Variants in KLHL41 observed in about 807,000 individuals in gnomAD.
KLHL41 encodes kelch like family member 41, also known as kelch-like protein 41.
Under a neutral mutation model 49.2 loss-of-function variants are expected in KLHL41, and 31 were observed. The observed-to-expected ratio is 0.63, with a 90% confidence interval of 0.47 to 0.85. The LOEUF (loss-of-function observed/expected upper bound fraction) is 0.85, where lower values mean the gene tolerates loss of function less well. Among genes scored for constraint, KLHL41 ranks in the 40% least tolerant of loss-of-function variants. The probability of loss-of-function intolerance (pLI) is 0.00; values close to 1 mark genes in which losing one functional copy is unlikely to be tolerated. For synonymous variants in KLHL41, 218 were observed against 258.5 expected (o/e 0.84, Z 1.50); for missense variants, 663 against 726.7 (o/e 0.91, Z 1.01).
rs762284386 is a variant in KLHL41, at chr2:169,520,979, G to A, written c.1681G>A (p.Ala561Thr). 6.2e-7 allele frequency: 1 copy of A among 1,613,922 alleles called. No individual in the cohort carries two copies. ...GATTCAACTGGAGTCTAAAGAATTT[G>A]CACCCACTGAAGTCAATGACATATG... is the stretch of plus-strand genomic sequence containing the variant. ...AMIQLESKEFAPTEVNDIWKY... is the reference protein window; with the variant it reads ...AMIQLESKEFTPTEVNDIWKY... Residue 561 changes from alanine (A) to threonine (T), a missense_variant, in exon 5 of 6, where the codon GCA becomes ACA. By Grantham distance (58) the Ala-to-Thr change is moderately conservative. This residue lies in a region of KLHL41 where 528 missense variants were observed against 581.0 expected (regional missense o/e 0.91). Coordinates refer to ENST00000284669, the MANE Select transcript of KLHL41 (RefSeq NM_006063.3).
chr2:169,510,387 G>T lies in KLHL41; in HGVS notation c.609G>T (p.Trp203Cys), dbSNP rs1039318664. 11 of 1,613,892 alleles carry T rather than the reference G, an allele frequency of 6.8e-6. No individual in the cohort carries two copies. Among genetic ancestry groups the T allele is most frequent in the Admixed American group, 1.7e-5 (1 of 59,986 alleles). ...CAGTATTTGAGGCAGTGATGAAATG[G>T]GTGCGAACAGACAAGGAAAACAGGG... ...EEAVFEAVMK[W>C]VRTDKENRVK... Residue 203 changes from tryptophan to cysteine, a missense_variant, in exon 1 of 6, where the codon TGG becomes TGT. Transcript: ENST00000284669. This position sits in a 1 kb window ranked among gnomAD's most constrained non-coding sequence, Gnocchi z 4.2.
At chr2:169,519,766 G>T (rs1238784372) in intron 4 of KLHL41, among the ~76,000 whole-genome samples, 1 of 147,240 alleles carries the variant, frequency 6.8e-6, no homozygotes, top group Non-Finnish European at 1.5e-5. Flanking sequence ...CTAATTTTTT[G>T]TATTTTTAGT....
chr2:169,518,896 T>G (rs896109419), intron 4 of KLHL41, among the ~76,000 whole-genome samples: 10 of 152,064 alleles, frequency 6.6e-5, no homozygotes, highest in Non-Finnish European at 1.3e-4. Flanking sequence ...TCCATACTGG[T>G]CTCTAACTCC....
chr2:169,520,800 C>T, intron 4 of KLHL41, 61 bp from the exon 5 acceptor site: 1 of 1,290,192 alleles, frequency 7.8e-7, no homozygotes, highest in Non-Finnish European at 1.1e-6. Flanking sequence ...TATAATTATT[C>T]AGTAAGTACA....
At chr2:169,511,453 G>A (rs765746654) in intron 1 of KLHL41, among the ~76,000 whole-genome samples, 13 of 152,156 alleles carry the variant, frequency 8.5e-5, no homozygotes, top group South Asian at 2.1e-4. Flanking sequence ...TTATAAAGAA[G>A]TAATAATTGG....
intron 1 of KLHL41, among the ~76,000 whole-genome samples, chr2:169,511,406 T>C (rs918020806): frequency 9.9e-5 from 15 of 152,168 alleles, no homozygotes; most frequent in African/African-American, 3.6e-4. Context: ...TTAATGTCTT[T>C]CCCCAAATAG....
In KLHL41 at chr2:169,525,841, A is replaced by T; in HGVS notation, c.*145A>T. ...GTCTAAGAGATGAGCAGTAGGTAAG[A>T]AAACCTCAGTCATTGACTCTTCAAT... is the stretch of plus-strand genomic sequence containing the variant. On this transcript the variant is annotated 3_prime_UTR_variant, in exon 6 of 6. Transcript: ENST00000284669. 1 of 504,084 alleles carries T rather than the reference A, an allele frequency of 2.0e-6. No individual in the cohort carries two copies. Among genetic ancestry groups the T allele is most frequent in the Non-Finnish European group, 3.5e-6 (1 of 283,690 alleles). 31.2% of individuals were successfully genotyped at this position (504,084 alleles called of 1,614,324 possible).
intron 4 of KLHL41, 69 bp from the exon 5 acceptor site, chr2:169,520,792 T>G (rs1684190775): frequency 4.7e-6 from 6 of 1,265,472 alleles, no homozygotes; most frequent in Non-Finnish European, 6.7e-6. Context: ...TTATTTCCTA[T>G]AATTATTCAG....
At chr2:169,514,006 G>A (rs938001373) in intron 1 of KLHL41, among the ~76,000 whole-genome samples, 2 of 152,070 alleles carry the variant, frequency 1.3e-5, no homozygotes, top group Admixed American at 6.5e-5. Context: ...TCACTTTAAC[G>A]CCTGCCTGTA....
chr2:169,510,425 GTGA>G lies in KLHL41; in HGVS notation c.648_650del (p.Ser216_Glu217delinsArg). The G allele has an allele frequency of 1.2e-6, 2 of 1,614,090 alleles. No homozygotes were observed. The highest frequency in any genetic ancestry group is 1.7e-6 in the Non-Finnish European group (2 of 1,180,022). ...AAGGAAAACAGGGTTAAAAACCTTAGTGAAGTGTTTGATTGTATCCGTTTTCGC... is the reference window on the plus strand; with the variant it reads ...AAGGAAAACAGGGTTAAAAACCTTAGAGTGTTTGATTGTATCCGTTTTCGC... On this transcript the variant is annotated inframe_deletion, in exon 1 of 6. Transcript: ENST00000284669. The surrounding 1 kb of genome is among the most constrained non-coding windows in gnomAD (Gnocchi z 4.2).
chr2:169,525,368 G>A (rs1684285514), intron 5 of KLHL41, among the ~76,000 whole-genome samples: 1 of 152,168 alleles, frequency 6.6e-6, no homozygotes, highest in African/African-American at 2.4e-5. Context: ...GAACTGCCTA[G>A]GCATCCAGAT....
intron 1 of KLHL41, among the ~76,000 whole-genome samples, chr2:169,511,172 C>T (rs896160724): frequency 2.0e-5 from 3 of 152,156 alleles, no homozygotes; most frequent in South Asian, 2.1e-4. Flanking sequence ...TATAGATGAT[C>T]GTGACTGTAA....
Position 169,510,778 on chromosome 2 carries a change from C to G in KLHL41, c.1000C>G (p.Pro334Ala), listed in dbSNP as rs1684019673. The G allele has an allele frequency of 4.3e-6, 7 of 1,614,108 alleles. No homozygotes were observed. The highest frequency in any genetic ancestry group is 5.1e-6 in the Non-Finnish European group (6 of 1,180,022). The change falls in exon 1 of 6, where the codon CCC becomes GCC. Residue 334 changes from proline (P) to alanine (A), a missense_variant. This residue lies in a region of KLHL41 where 528 missense variants were observed against 581.0 expected (regional missense o/e 0.91). Coordinates refer to ENST00000284669, the MANE Select transcript of KLHL41 (RefSeq NM_006063.3). This position sits in a 1 kb window ranked among gnomAD's most constrained non-coding sequence, Gnocchi z 4.2. ...CCTTACTGCACTGGCTGAGCAGATT[C>G]CCAGAAATCATTCCAGCATTGTTAC... is the stretch of plus-strand genomic sequence containing the variant. The part of the protein sequence containing the change: ...CYLTALAEQI[P>A]RNHSSIVTQQ...
At chr2:169,523,382 C>T (rs1684231679) in intron 5 of KLHL41, among the ~76,000 whole-genome samples, 1 of 152,154 alleles carries the variant, frequency 6.6e-6, no homozygotes, top group African/African-American at 2.4e-5. Flanking sequence ...GAAGTATGGC[C>T]TGGGCTTTGG....
intron 3 of KLHL41, among the ~76,000 whole-genome samples, chr2:169,517,751 C>A (rs1402344132): frequency 6.6e-6 from 1 of 152,124 alleles, no homozygotes; most frequent in Non-Finnish European, 1.5e-5. Flanking sequence ...AATGATCTAT[C>A]ATATAAAATT....
At position 169,510,408 on chromosome 2, in the gene KLHL41, C is replaced by T. The variant is rs1377966338; in HGVS notation, c.630C>T (p.Asn210=). Residue 210 remains asparagine (N), a synonymous_variant, in exon 1 of 6, where the codon AAC becomes AAT. Coordinates refer to ENST00000284669, the MANE Select transcript of KLHL41 (RefSeq NM_006063.3). This position sits in a 1 kb window ranked among gnomAD's most constrained non-coding sequence, Gnocchi z 4.2. ...VMKWVRTDKE[N]RVKNLSEVFD... is the part of the protein sequence containing the mutation. ...AATGGGTGCGAACAGACAAGGAAAA[C>T]AGGGTTAAAAACCTTAGTGAAGTGT... 2 of 1,613,870 alleles carry T rather than the reference C, an allele frequency of 1.2e-6. No individual in the cohort carries two copies. Among genetic ancestry groups the T allele is most frequent in the Admixed American group, 1.7e-5 (1 of 59,956 alleles).
intron 3 of KLHL41, among the ~76,000 whole-genome samples, chr2:169,516,696 A>G (rs1474847022): frequency 6.6e-6 from 1 of 152,196 alleles, no homozygotes; most frequent in East Asian, 1.9e-4. Context: ...CAAATGTCAA[A>G]GTCAAGAACT....
intron 5 of KLHL41, among the ~76,000 whole-genome samples, chr2:169,522,612 A>G (rs544297211): frequency 3.3e-5 from 5 of 151,888 alleles, no homozygotes; most frequent in African/African-American, 9.6e-5. Flanking sequence ...TGCTTTTAAA[A>G]TATACCAGTG....
chr2:169,510,885 C>A lies in KLHL41; in HGVS notation c.1107C>A (p.Phe369Leu). 6.2e-7 allele frequency: 1 copy of A among 1,610,416 alleles called. No homozygotes were observed. The highest frequency in any genetic ancestry group is 8.5e-7 in the Non-Finnish European group (1 of 1,177,696). ...ATCAACCTCTACAGTCATACTTCTTCCAGGTAAGAAGGACTTTTTGTATAT... is the reference window on the plus strand; with the variant it reads ...ATCAACCTCTACAGTCATACTTCTTACAGGTAAGAAGGACTTTTTGTATAT... ...NKDQPLQSYF[F>L]QLDSIASEWV... Residue 369 changes from phenylalanine (F) to leucine (L), a missense_variant, in exon 1 of 6, where the codon TTC becomes TTA. This residue lies in a region of KLHL41 where 528 missense variants were observed against 581.0 expected (regional missense o/e 0.91). Transcript: ENST00000284669. The surrounding 1 kb of genome is among the most constrained non-coding windows in gnomAD (Gnocchi z 4.2).
Sources: allele counts gnomAD v4.1 joint callset (sites outside exome capture counted in the v4.1 genomes callset), GRCh38; gene constraint gnomAD v4.1.1; regional missense constraint gnomAD v4.1.1; non-coding constraint Gnocchi (gnomAD v3.1); transcripts MANE v1.5; gene names NCBI Gene and HGNC (gene_info 2026-07-23, HGNC 2026-07-21).